Variants in TRPC5 observed in about 807,000 individuals in gnomAD.
TRPC5 encodes short transient receptor potential channel 5.
Under a neutral mutation model 56.5 loss-of-function variants are expected in TRPC5, and 9 were observed. The ratio of observed to expected loss-of-function variants is 0.16; its 90% confidence interval spans 0.10 to 0.28. TRPC5 has a LOEUF of 0.28. TRPC5 is among the 10% of genes least tolerant of loss of function. TRPC5 has a pLI of 1.00. For synonymous variants in TRPC5, 282 were observed against 278.5 expected (o/e 1.01, Z -0.13); for missense variants, 469 against 748.9 (o/e 0.63, Z 4.36).
intron 1 of TRPC5, among the ~76,000 whole-genome samples, chrX:112,046,531 T>A (rs1437257929): frequency 9.0e-6 from 1 of 111,144 alleles, no homozygotes; most frequent in Non-Finnish European, 1.9e-5. Flanking sequence ...AATCAGAGTA[T>A]TTGTTTATGT....
intron 8 of TRPC5, 56 bp from the exon 9 acceptor site, chrX:111,781,262 A>T: frequency 2.9e-6 from 3 of 1,030,858 alleles, no homozygotes. Context: ...CACCCTACCC[A>T]CCCAAACATC....
In TRPC5 at chrX:111,769,330, A is replaced by G. The variant is rs1945830863; in HGVS notation, c.*6983T>C. On this transcript the variant is annotated 3_prime_UTR_variant, in exon 11 of 11. Coordinates refer to ENST00000262839, the MANE Select transcript of TRPC5 (RefSeq NM_012471.3). ...TCAATGTATTTTACTGTTTAAACACAAAGGGTTAATCATTATGGTTGTTCC... is the reference window on the plus strand; with the variant it reads ...TCAATGTATTTTACTGTTTAAACACGAAGGGTTAATCATTATGGTTGTTCC... Among the ~76,000 whole-genome samples the G allele has an allele frequency of 8.9e-6, 1 of 112,281 alleles. No homozygotes were observed. Among genetic ancestry groups the G allele is most frequent in the Admixed American group, 9.5e-5 (1 of 10,582 alleles).
intron 1 of TRPC5, among the ~76,000 whole-genome samples, chrX:111,962,930 A>G (rs1293303237): frequency 1.8e-5 from 2 of 111,820 alleles, no homozygotes; most frequent in Non-Finnish European, 3.8e-5. Flanking sequence ...CTGCATTTCC[A>G]TCTGAGGTAC....
intron 3 of TRPC5, among the ~76,000 whole-genome samples, chrX:111,854,440 C>A (rs1308021228): frequency 1.8e-5 from 2 of 111,671 alleles, no homozygotes; most frequent in Non-Finnish European, 3.8e-5. Flanking sequence ...TCAGAATCAT[C>A]CAGGGAACAT....
chrX:111,828,761 C>T (rs754570765), intron 7 of TRPC5, among the ~76,000 whole-genome samples: 35 of 111,504 alleles, frequency 3.1e-4, no homozygotes, highest in African/African-American at 9.5e-4. Flanking sequence ...GAGTTTGGAA[C>T]GTCCTAGAGA....
chrX:111,887,887 GATC>G (rs1229435658), intron 3 of TRPC5, among the ~76,000 whole-genome samples: 1 of 111,919 alleles, frequency 8.9e-6, no homozygotes. Context: ...GAAAATAAAT[GATC>G]ATCATAATAA....
chrX:111,877,187 C>G (rs954683191), intron 3 of TRPC5, among the ~76,000 whole-genome samples: 10 of 111,268 alleles, frequency 9.0e-5, no homozygotes, highest in African/African-American at 2.3e-4. Context: ...TGAATTAGAG[C>G]AGTGGAAGTT....
chrX:112,038,115 T>C (rs1297856041), intron 1 of TRPC5, among the ~76,000 whole-genome samples: 1 of 110,643 alleles, frequency 9.0e-6, no homozygotes, highest in East Asian at 2.8e-4. Context: ...CACCAAGAGA[T>C]GACCAAGGCT....
intron 7 of TRPC5, among the ~76,000 whole-genome samples, chrX:111,825,337 C>T (rs1328414072): frequency 9.3e-6 from 1 of 107,494 alleles, no homozygotes; most frequent in Middle Eastern, 4.2e-3. Context: ...CTGCAACCTC[C>T]ACCTCCTGGG....
At chrX:111,897,710 A>AGTG (rs1224684870) in intron 3 of TRPC5, among the ~76,000 whole-genome samples, 1 of 111,599 alleles carries the variant, frequency 9.0e-6, no homozygotes, top group Non-Finnish European at 1.9e-5. Context: ...CCCTCTCAGT[A>AGTG]GTGCCTTTCT....
chrX:111,800,413 C>T (rs972009686), intron 7 of TRPC5, among the ~76,000 whole-genome samples: 2 of 111,488 alleles, frequency 1.8e-5, no homozygotes, highest in Admixed American at 9.6e-5. Context: ...GGGTGGATCA[C>T]GAGGTCAGGA....
chrX:111,803,368 C>T (rs973212556), intron 7 of TRPC5, among the ~76,000 whole-genome samples: 1 of 112,373 alleles, frequency 8.9e-6, no homozygotes, highest in Non-Finnish European at 1.9e-5. Context: ...TGGGTATATA[C>T]CCAGTAATGG....
intron 1 of TRPC5, among the ~76,000 whole-genome samples, chrX:111,988,980 T>C (rs1928282661): frequency 8.9e-6 from 1 of 112,008 alleles, no homozygotes; most frequent in Non-Finnish European, 1.9e-5. Context: ...ACTAATCCCA[T>C]TGTGCAAATA....
chrX:111,831,827 G>A (rs186598616), intron 7 of TRPC5, among the ~76,000 whole-genome samples: 1 of 111,322 alleles, frequency 9.0e-6, no homozygotes, highest in East Asian at 2.8e-4. Flanking sequence ...GGTGGGTAGG[G>A]GGTAGGAATA....
At chrX:111,847,531 C>T (rs1922966840) in intron 5 of TRPC5, 95 bp from the exon 6 acceptor site, 1 of 733,156 alleles carries the variant, frequency 1.4e-6, no homozygotes, top group African/African-American at 2.2e-5. Flanking sequence ...ACAAAGCCAC[C>T]AAAATATGCA....
In TRPC5 at chrX:111,773,870, A is replaced by G. The variant is rs1044683117; in HGVS notation, c.*2443T>C. On this transcript the variant is annotated 3_prime_UTR_variant, in exon 11 of 11. Coordinates refer to ENST00000262839, the MANE Select transcript of TRPC5 (RefSeq NM_012471.3). ...AAATACCTTTTATGATACTTGATCA[A>G]GAGAGTAAGGAAGTGAACAAAATCT... Among the ~76,000 whole-genome samples, 1 of 111,869 alleles carries G rather than the reference A, an allele frequency of 8.9e-6. No homozygotes were observed. The highest frequency in any genetic ancestry group is 9.5e-5 in the Admixed American group (1 of 10,535).
intron 6 of TRPC5, among the ~76,000 whole-genome samples, chrX:111,843,942 GAGAGAC>G (rs1403798786): frequency 7.2e-4 from 76 of 105,215 alleles, no homozygotes; most frequent in African/African-American, 2.6e-3. Flanking sequence ...GAGAATGAGA[GAGAGAC>G]AGAGAGAGAA....
At chrX:111,801,640 G>A (rs186613430) in intron 7 of TRPC5, among the ~76,000 whole-genome samples, 24 of 112,005 alleles carry the variant, frequency 2.1e-4, no homozygotes, top group African/African-American at 7.1e-4. Context: ...TCTTAATGCC[G>A]AATGATGTTG....
chrX:112,031,021 G>A (rs1929573326), intron 1 of TRPC5, among the ~76,000 whole-genome samples: 2 of 111,625 alleles, frequency 1.8e-5, no homozygotes, highest in Non-Finnish European at 3.8e-5. Context: ...CTATTAAGGG[G>A]CAGAGCTGGG....
Sources: gnomAD v4.1 joint callset for allele counts (sites outside exome capture counted in the v4.1 genomes callset) on GRCh38, gnomAD v4.1.1 for gene constraint, MANE v1.5 for transcripts, NCBI Gene and HGNC (gene_info 2026-07-23, HGNC 2026-07-21) for gene names.